The following KIF11 variants were observed in gnomAD, a reference collection of about 807,000 sequenced individuals.
KIF11 encodes kinesin-like protein KIF11.
KIF11 carries 9 observed loss-of-function variants against 121.0 expected under a neutral mutation model. The observed-to-expected ratio is 0.07, with a 90% CI of 0.04 to 0.13. KIF11 has a LOEUF of 0.13. Ranked by LOEUF, KIF11 falls within the 10% of genes least tolerant of loss-of-function variation. The pLI is 1.00. For missense variants in KIF11, 846 were observed against 1,217.5 expected, an observed-to-expected ratio of 0.69 and a Z score of 4.54; for synonymous variants, 408 against 421.0, an observed-to-expected ratio of 0.97 and a Z score of 0.38.
At position 92,612,036 on chromosome 10, in the gene KIF11, G is replaced by A. The variant is rs533971244; in HGVS notation, c.699-1004G>A. ...TGTTCACCAAATGCCATTGGATACAGAAAGAATGTCTTTGGTCATCTGTAT... is the reference window on the plus strand; with the variant it reads ...TGTTCACCAAATGCCATTGGATACAAAAAGAATGTCTTTGGTCATCTGTAT... On this transcript the variant is annotated intron_variant, in intron 6 of 21. Coordinates refer to ENST00000260731, the MANE Select transcript of KIF11 (RefSeq NM_004523.4). Among the ~76,000 whole-genome samples the A allele has an allele frequency of 2.0e-5, 3 of 152,132 alleles. No individual in the cohort carries two copies. The East Asian group carries it at 5.8e-4, about 29-fold the overall frequency.
At chr10:92,640,115 C>G (rs142589869) in intron 17 of KIF11, among the ~76,000 whole-genome samples, 49 of 152,284 alleles carry the variant, frequency 3.2e-4, no homozygotes, top group African/African-American at 8.9e-4. Flanking sequence ...AAAAACCTGG[C>G]TGTTACCCAC....
At chr10:92,594,143 C>G (rs964241650) in intron 1 of KIF11, among the ~76,000 whole-genome samples, 2 of 152,176 alleles carry the variant, frequency 1.3e-5, no homozygotes, top group African/African-American at 4.8e-5. Flanking sequence ...TTGATTTATT[C>G]AACTTTTTAG....
At position 92,609,004 on chromosome 10, in the gene KIF11, C is replaced by T. The variant is rs895695200; in HGVS notation, c.388-16C>T. On this transcript the variant is annotated splice_polypyrimidine_tract_variant and intron_variant, in intron 4 of 21. Transcript: ENST00000260731. ...ATGGCATTCTTCCTTTATATTAGTC[C>T]TTATTATAATTTCAGGATCCCTTGG... 2.8e-6 allele frequency: 4 copies of T among 1,447,222 alleles called. No homozygotes were observed. Among genetic ancestry groups the T allele is most frequent in the Middle Eastern group, 4.5e-4 (2 of 4,446 alleles). The allele number at this position is 1,447,222 out of a possible 1,614,324, so 89.6% of individuals were successfully genotyped here. A position where few individuals can be genotyped will look rare whatever the true frequency, so the allele number is the denominator to read the frequency against.
At chr10:92,639,690 A>G in intron 16 of KIF11, 104 bp from the exon 17 acceptor site, 1 of 630,432 alleles carries the variant, frequency 1.6e-6, no homozygotes, top group Admixed American at 2.6e-5. Flanking sequence ...AAGAATTTAT[A>G]TAATTCTCAC....
chr10:92,603,774 C>CA (rs1564703426), intron 1 of KIF11, among the ~76,000 whole-genome samples: 2 of 152,220 alleles, frequency 1.3e-5, no homozygotes, highest in Non-Finnish European at 2.9e-5. Flanking sequence ...AGGCGTGAGC[C>CA]ACTGTGCCTG....
At chr10:92,601,305 A>C (rs938572582) in intron 1 of KIF11, among the ~76,000 whole-genome samples, 26 of 151,876 alleles carry the variant, frequency 1.7e-4, no homozygotes, top group Non-Finnish European at 2.5e-4. Flanking sequence ...GGTTCAAACG[A>C]TTCTCCTGCC....
Position 92,606,724 on chromosome 10 carries a change from A to G in KIF11, c.308+8A>G. 1 of 1,294,998 alleles carries G rather than the reference A, an allele frequency of 7.7e-7. No individual in the cohort carries two copies. Among genetic ancestry groups the G allele is most frequent in the Non-Finnish European group, 1.1e-6 (1 of 899,782 alleles). 80.2% of individuals were successfully genotyped at this position (1,294,998 alleles called of 1,614,324 possible). A position where few individuals can be genotyped will look rare whatever the true frequency, so the allele number is the denominator to read the frequency against. Reference sequence around the variant, plus strand: ...TAATTGCACTATCTTTGCGTAAGTAAAAGGGTGTTTTTTCTGATTTATGAA... The same window carrying G: ...TAATTGCACTATCTTTGCGTAAGTAGAAGGGTGTTTTTTCTGATTTATGAA... On this transcript the variant is annotated splice_region_variant and intron_variant, in intron 3 of 21. Coordinates refer to ENST00000260731, the MANE Select transcript of KIF11 (RefSeq NM_004523.4).
chr10:92,593,913 AAAGT>A (rs1375936565), intron 1 of KIF11, among the ~76,000 whole-genome samples: 4 of 152,222 alleles, frequency 2.6e-5, no homozygotes, highest in Non-Finnish European at 5.9e-5. Context: ...AAAAATTAAT[AAAGT>A]GAGTTTATGT....
At chr10:92,616,196 T>G (rs1844555808) in intron 8 of KIF11, among the ~76,000 whole-genome samples, 3 of 151,760 alleles carry the variant, frequency 2.0e-5, no homozygotes, top group Admixed American at 1.3e-4. Flanking sequence ...GTGGTTTTTT[T>G]GTTTTGTTTT....
At chr10:92,626,729 A>G (rs935178743) in intron 10 of KIF11, among the ~76,000 whole-genome samples, 2 of 152,196 alleles carry the variant, frequency 1.3e-5, no homozygotes, top group South Asian at 2.1e-4. Context: ...CCCGTTTTAC[A>G]TAAAAGATCT....
At chr10:92,600,413 A>C (rs757005884) in intron 1 of KIF11, among the ~76,000 whole-genome samples, 1 of 152,114 alleles carries the variant, frequency 6.6e-6, no homozygotes, top group African/African-American at 2.4e-5. Flanking sequence ...GCACAGATCA[A>C]CCCATCACCT....
At chr10:92,651,507 GTTTTTTTTTTTTTTTTTTTTT>G (rs1175303233) in intron 21 of KIF11, among the ~76,000 whole-genome samples, 583 of 52,984 alleles carry the variant, frequency 0.011, 34 homozygotes, top group Non-Finnish European at 0.016. Flanking sequence ...GGCTAATTTT[GTTTTTTTTTTTTTTTTTTTTT>G]TTTTTTTTTT....
chr10:92,596,994 G>T, intron 1 of KIF11: 1 of 393,768 alleles, frequency 2.5e-6, no homozygotes, highest in South Asian at 2.3e-5. Context: ...ACCAATGCAT[G>T]GGTCACATTT....
In KIF11 at chr10:92,645,357, C is replaced by G. The variant is rs748522620; in HGVS notation, c.2268-6C>G. The G allele has an allele frequency of 3.8e-6, 6 of 1,592,022 alleles. No homozygotes were observed. The highest frequency in any genetic ancestry group is 1.1e-5 in the South Asian group (1 of 88,714). On this transcript the variant is annotated splice_region_variant and splice_polypyrimidine_tract_variant and intron_variant, in intron 17 of 21. Coordinates refer to ENST00000260731, the MANE Select transcript of KIF11 (RefSeq NM_004523.4). ...ATTTCAACAGTGTCATTCTCTTTTC[C>G]TATAGGAAATCTAAGGATATAGTCA...
chr10:92,634,943 TG>T (rs1844781496), intron 14 of KIF11, among the ~76,000 whole-genome samples: 1 of 152,242 alleles, frequency 6.6e-6, no homozygotes, highest in African/African-American at 2.4e-5. Flanking sequence ...TAGATCTGTG[TG>T]GCCCCTTCTG....
intron 17 of KIF11, among the ~76,000 whole-genome samples, chr10:92,641,539 A>G (rs1844865842): frequency 6.6e-6 from 1 of 152,202 alleles, no homozygotes; most frequent in Non-Finnish European, 1.5e-5. Flanking sequence ...CCATTCAAGT[A>G]ATTGTTCCCT....
rs1432722400 is a variant in KIF11 at position 92,613,203 on chromosome 10, GAC to G, written c.789+75_789+76del. ...GAGCAGCTTGAAATTTTGTCCTTGA[GAC>G]AAAATTTTTGTGGTCACTGGGTGAT... On this transcript the variant is annotated intron_variant, in intron 7 of 21. Coordinates refer to ENST00000260731, the MANE Select transcript of KIF11 (RefSeq NM_004523.4). This position sits in a 1 kb window ranked among gnomAD's most constrained non-coding sequence, Gnocchi z 4.2. 1.5e-5 allele frequency: 19 copies of G among 1,300,394 alleles called. No homozygotes were observed. Among genetic ancestry groups the G allele is most frequent in the Non-Finnish European group, 2.0e-5 (19 of 934,230 alleles). 80.6% of individuals were successfully genotyped at this position (1,300,394 alleles called of 1,614,324 possible).
At chr10:92,646,126 G>A (rs577583875) in intron 18 of KIF11, among the ~76,000 whole-genome samples, 1 of 151,852 alleles carries the variant, frequency 6.6e-6, no homozygotes, top group East Asian at 1.9e-4. Flanking sequence ...TAATTTTTTT[G>A]TATTTTTAGT....
chr10:92,609,551 A>T (rs975343732), intron 6 of KIF11, 42 bp downstream of exon 6: 1 of 1,561,698 alleles, frequency 6.4e-7, no homozygotes. Context: ...ATTTTCTTTT[A>T]AGAAGAATTA....
Sources: gnomAD v4.1 joint callset for allele counts (sites outside exome capture counted in the v4.1 genomes callset) on GRCh38, gnomAD v4.1.1 for gene constraint, Gnocchi (gnomAD v3.1) non-coding constraint, MANE v1.5 for transcripts, NCBI Gene and HGNC (gene_info 2026-07-23, HGNC 2026-07-21) for gene names.